The following ACSM3 variants were observed in gnomAD, a reference collection of about 807,000 sequenced individuals.
The protein encoded by ACSM3 is acyl-coenzyme A synthetase ACSM3, mitochondrial.
Under a neutral mutation model 74.1 loss-of-function variants are expected in ACSM3, and 61 were observed. The observed-to-expected ratio is 0.82, with a 90% CI of 0.67 to 1.02. ACSM3 has a LOEUF of 1.02. ACSM3 is among the 50% of genes least tolerant of loss of function. The pLI is 0.00. For missense variants in ACSM3, 660 were observed against 697.0 expected (o/e 0.95, Z 0.60); for synonymous variants, 213 against 241.5 (o/e 0.88, Z 1.09).
At chr16:20,727,082 TA>T (rs1422702867) in intron 1 of ACSM3, among the ~76,000 whole-genome samples, 5 of 152,226 alleles carry the variant, frequency 3.3e-5, no homozygotes, top group African/African-American at 1.2e-4. Context: ...TCCCACCTTT[TA>T]ACATCTTTAA....
chr16:20,681,582 C>T (rs2079446598), intron 1 of ACSM3: 1 of 152,238 alleles, frequency 6.6e-6, no homozygotes, highest in Admixed American at 6.5e-5. Context: ...GCAGTAATAA[C>T]TCAACACACT....
upstream of ACSM3, among the ~76,000 whole-genome samples, chr16:20,763,237 A>G (rs1002739196): frequency 4.6e-5 from 7 of 152,266 alleles, no homozygotes; most frequent in Admixed American, 2.6e-4. Flanking sequence ...GGTGATAGTA[A>G]GAGATGTAAA....
In ACSM3 at chr16:20,736,613, G is replaced by A. The variant is rs1031951260; in HGVS notation, c.-189-13297G>A. 6 of 385,248 alleles carry A rather than the reference G, an allele frequency of 1.6e-5. No individual in the cohort carries two copies. In the South Asian group the frequency reaches 3.2e-4, roughly 20 times the overall value. 23.9% of individuals were successfully genotyped at this position (385,248 alleles called of 1,614,324 possible). On this transcript the variant is annotated intron_variant, in intron 1 of 3. Coordinates refer to the ACSM3 transcript ENST00000561584. ...TTAAGTCAGCTGGCACTGCAGAAGA[G>A]GAGCCTGGGAGAGGCCAACATCCCC...
At chr16:20,710,776 A>G (rs2079741480) in intron 1 of ACSM3, among the ~76,000 whole-genome samples, 1 of 152,026 alleles carries the variant, frequency 6.6e-6, no homozygotes, top group Non-Finnish European at 1.5e-5. Context: ...GTAAAGTGCT[A>G]TTTAAGTGGT....
At chr16:20,778,015 G>T (rs1218937421) in intron 4 of ACSM3, among the ~76,000 whole-genome samples, 9 of 152,164 alleles carry the variant, frequency 5.9e-5, no homozygotes, top group Admixed American at 5.9e-4. Flanking sequence ...ATTGGATGGG[G>T]TTGTCCCTAG....
chr16:20,785,884 T>C (rs1248585978), intron 8 of ACSM3, among the ~76,000 whole-genome samples, 194 bp from the exon 9 acceptor site: 2 of 152,200 alleles, frequency 1.3e-5, no homozygotes, highest in Non-Finnish European at 1.5e-5. Context: ...ATATGAGTAA[T>C]TATTGTTATA....
At position 20,791,937 on chromosome 16, in the gene ACSM3, A is replaced by AG. The variant is rs878872225; in HGVS notation, c.1327-65_1327-64insG. On this transcript the variant is annotated intron_variant, in intron 10 of 13. Transcript: ENST00000289416. The stretch of plus-strand genomic sequence containing the variant: ...AGTGAGACTGTCTCGGAAAAAAAAA[A>AG]AAAAATTCCAATTGACCAGAAGAGT... 398 of 1,582,144 alleles carry AG rather than the reference A, an allele frequency of 2.5e-4. 3 individuals carry two copies. In the South Asian group the frequency reaches 3.9e-3, roughly 15 times the overall value.
intron 3 of ACSM3, among the ~76,000 whole-genome samples, chr16:20,757,264 T>G (rs2080039246): frequency 6.6e-6 from 1 of 151,970 alleles, no homozygotes; most frequent in Admixed American, 6.5e-5. Context: ...TTCCTACCCA[T>G]GAGCATGGAA....
At chr16:20,677,304 A>G (rs1411642323) in intron 1 of ACSM3, among the ~76,000 whole-genome samples, 1 of 151,848 alleles carries the variant, frequency 6.6e-6, no homozygotes, top group Non-Finnish European at 1.5e-5. Context: ...ATCTTCTTGT[A>G]TGCCCATAAG....
chr16:20,769,027 C>T (rs549434704), intron 1 of ACSM3, among the ~76,000 whole-genome samples: 60 of 152,186 alleles, frequency 3.9e-4, no homozygotes, highest in Non-Finnish European at 7.7e-4. Context: ...GTCCATTTAG[C>T]TGACATCTGC....
At chr16:20,691,027 A>C (rs1407001480) in intron 1 of ACSM3, 1 of 1,613,508 alleles carries the variant, frequency 6.2e-7, no homozygotes, top group Admixed American at 1.7e-5. Flanking sequence ...AGTCCAGTAC[A>C]TAACTTGCAA....
intron 1 of ACSM3, chr16:20,736,884 G>A (rs1386633519): frequency 1.9e-6 from 3 of 1,613,368 alleles, no homozygotes; most frequent in African/African-American, 2.7e-5. Flanking sequence ...GACTTCCTAT[G>A]AGAAGTCATT....
upstream of ACSM3, among the ~76,000 whole-genome samples, chr16:20,761,846 C>G (rs2080079468): frequency 6.6e-6 from 1 of 152,144 alleles, no homozygotes; most frequent in Non-Finnish European, 1.5e-5. Context: ...CAACCTTCCT[C>G]TAGGAACACT....
chr16:20,685,312 G>A (rs1257838041), intron 1 of ACSM3: 9 of 1,614,188 alleles, frequency 5.6e-6, no homozygotes, highest in South Asian at 1.1e-5. Context: ...TACACGGCGG[G>A]TTAGGTCTCC....
chr16:20,723,600 A>G (rs1223333337), intron 1 of ACSM3, among the ~76,000 whole-genome samples: 6 of 151,978 alleles, frequency 3.9e-5, no homozygotes, highest in Non-Finnish European at 8.8e-5. Flanking sequence ...ATGGTATCTC[A>G]TTGTGGTTTT....
chr16:20,705,189 C>T (rs879414048), intron 1 of ACSM3, among the ~76,000 whole-genome samples: 2 of 151,856 alleles, frequency 1.3e-5, no homozygotes, highest in African/African-American at 2.4e-5. Flanking sequence ...TGGCTAACAC[C>T]CTGAAACCCC....
chr16:20,738,844 G>A (rs1418151631), intron 1 of ACSM3: 35 of 1,587,908 alleles, frequency 2.2e-5, no homozygotes, highest in Non-Finnish European at 2.8e-5. Context: ...CCCTGAGACA[G>A]GAAGATACCC....
intron 1 of ACSM3, among the ~76,000 whole-genome samples, chr16:20,725,679 A>G (rs573913369): frequency 6.6e-6 from 1 of 152,284 alleles, no homozygotes; most frequent in South Asian, 2.1e-4. Flanking sequence ...GCGACAATCA[A>G]AAATGTCCCT....
chr16:20,717,950 GGAAGAGGAAGAAGAAGAAGAA>G (rs1449916635), intron 1 of ACSM3, among the ~76,000 whole-genome samples: 29 of 58,986 alleles, frequency 4.9e-4, no homozygotes, highest in African/African-American at 1.5e-3. Context: ...AAGAGGAAGA[GGAAGAGGAAGAAGAAGAAGAA>G]GAAGAAGAAG....
Sources: gnomAD v4.1 joint callset for allele counts (sites outside exome capture counted in the v4.1 genomes callset) on GRCh38, gnomAD v4.1.1 for gene constraint, MANE v1.5 for transcripts, NCBI Gene and HGNC (gene_info 2026-07-23, HGNC 2026-07-21) for gene names.